CDH18: variants seen among roughly 807,000 people sequenced by gnomAD.
The protein encoded by CDH18 is cadherin 18.
In CDH18, 31 loss-of-function variants were observed where a neutral mutation model predicts 67.9. The ratio of observed to expected loss-of-function variants is 0.46; its 90% CI spans 0.34 to 0.62. CDH18 has a LOEUF of 0.62. Among genes scored for constraint, CDH18 ranks in the 20% least tolerant of loss-of-function variants. The probability of loss-of-function intolerance (pLI) is 0.01; values close to 1 mark genes in which losing one functional copy is unlikely to be tolerated. For synonymous variants in CDH18, 362 were observed against 347.2 expected (o/e 1.04, Z -0.48); for missense variants, 890 against 975.5 (o/e 0.91, Z 1.17).
intron 11 of CDH18, among the ~76,000 whole-genome samples, chr5:19,490,394 GTTTTTTTTT>G (rs70950073): frequency 2.8e-4 from 17 of 60,210 alleles, no homozygotes; most frequent in East Asian, 5.3e-4. Context: ...ATAAAAATCT[GTTTTTTTTT>G]TTTTTTTTTT....
At chr5:20,290,707 G>A (rs1159032164) in intron 1 of CDH18, among the ~76,000 whole-genome samples, 1 of 152,158 alleles carries the variant, frequency 6.6e-6, no homozygotes. Flanking sequence ...TATGTTCAAA[G>A]CCATGACAGC....
chr5:20,537,797 T>A lies in CDH18; in HGVS notation c.-580+37665A>T, dbSNP rs1287244740. On this transcript the variant is annotated intron_variant, in intron 1 of 14. Coordinates refer to the CDH18 transcript ENST00000507958. ...AAGAATAAAAATGAAAATATTTGTA[T>A]AAAATTTCTATCTTTGGGAAATGTA... Among the ~76,000 whole-genome samples, 3 of 152,134 alleles carry A rather than the reference T, an allele frequency of 2.0e-5. No homozygotes were observed. The East Asian group carries it at 5.8e-4, about 29-fold the overall frequency.
rs74996600 is a variant in CDH18, at chr5:20,081,421, A to G, written c.-517-89407T>C. Among the ~76,000 whole-genome samples, 557 of 152,292 alleles carry G rather than the reference A, an allele frequency of 3.7e-3. 2 individuals carry two copies. Among genetic ancestry groups the G allele is most frequent in the African/African-American group, 0.013 (520 of 41,566 alleles). ...AGGTTTGGTTTAAAATGATTTTGCC[A>G]TTCAACCCAGCAATCCCTTTACTGA... On this transcript the variant is annotated intron_variant, in intron 2 of 14. Transcript: ENST00000507958.
At chr5:20,150,779 C>T (rs1751035528) in intron 2 of CDH18, among the ~76,000 whole-genome samples, 2 of 152,112 alleles carry the variant, frequency 1.3e-5, no homozygotes, top group Admixed American at 6.6e-5. Context: ...TTATAAGCCT[C>T]ATAATCAAAA....
chr5:19,947,848 G>T (rs1169278782), intron 2 of CDH18, among the ~76,000 whole-genome samples: 2 of 152,038 alleles, frequency 1.3e-5, no homozygotes, highest in Non-Finnish European at 1.5e-5. Flanking sequence ...GAAAATTACA[G>T]ACAGTGAGAA....
At chr5:20,477,261 T>C (rs1014711290) in intron 1 of CDH18, among the ~76,000 whole-genome samples, 1 of 151,942 alleles carries the variant, frequency 6.6e-6, no homozygotes, top group Non-Finnish European at 1.5e-5. Flanking sequence ...GAAGCTGCAG[T>C]GGTCATCCTG....
intron 7 of CDH18, among the ~76,000 whole-genome samples, chr5:19,578,957 T>G (rs992813516): frequency 1.6e-4 from 25 of 152,048 alleles, no homozygotes; most frequent in Non-Finnish European, 3.7e-4. Context: ...ATTTTAACTT[T>G]GAGTCCTTTA....
chr5:19,663,375 T>C, intron 5 of CDH18, among the ~76,000 whole-genome samples: 1 of 152,008 alleles, frequency 6.6e-6, no homozygotes, highest in Non-Finnish European at 1.5e-5. Context: ...TCCTTCTGTT[T>C]TCAAGTTTTG....
intron 4 of CDH18, among the ~76,000 whole-genome samples, chr5:19,732,420 C>T (rs1333259660): frequency 2.0e-5 from 3 of 152,114 alleles, no homozygotes; most frequent in African/African-American, 7.2e-5. Flanking sequence ...CCACTGCACT[C>T]CAGTCCACAT....
chr5:19,563,117 AC>A (rs1015421821), intron 8 of CDH18, among the ~76,000 whole-genome samples: 9 of 152,204 alleles, frequency 5.9e-5, no homozygotes, highest in African/African-American at 2.2e-4. Context: ...TTTATAATAT[AC>A]ATTTGTTTCT....
At chr5:19,507,714 A>G (rs1744432738) in intron 10 of CDH18, among the ~76,000 whole-genome samples, 1 of 152,136 alleles carries the variant, frequency 6.6e-6, no homozygotes, top group Non-Finnish European at 1.5e-5. Context: ...ATGAGAACAC[A>G]TGGACACAGG....
intron 2 of CDH18, among the ~76,000 whole-genome samples, chr5:20,026,442 T>C (rs1262128132): frequency 6.6e-6 from 1 of 152,218 alleles, no homozygotes; most frequent in Non-Finnish European, 1.5e-5. Flanking sequence ...AGCACATATG[T>C]TTTGAACATG....
intron 3 of CDH18, among the ~76,000 whole-genome samples, chr5:19,761,261 G>A (rs1772305898): frequency 3.3e-5 from 5 of 152,138 alleles, no homozygotes; most frequent in Admixed American, 3.3e-4. Context: ...TGCTTCTGAA[G>A]CCAGGAGATA....
At chr5:20,270,882 G>T (rs2126663945) in intron 1 of CDH18, among the ~76,000 whole-genome samples, 1 of 152,094 alleles carries the variant, frequency 6.6e-6, no homozygotes, top group South Asian at 2.1e-4. Context: ...CTAATGCAGG[G>T]ATACAAAACC....
intron 1 of CDH18, among the ~76,000 whole-genome samples, chr5:20,524,651 G>A (rs1338518413): frequency 3.3e-5 from 5 of 152,136 alleles, no homozygotes; most frequent in South Asian, 2.1e-4. Context: ...AAACAAAAGC[G>A]GATCAAAACA....
chr5:20,446,922 A>G (rs1006265623), intron 1 of CDH18, among the ~76,000 whole-genome samples: 4 of 152,162 alleles, frequency 2.6e-5, no homozygotes, highest in African/African-American at 4.8e-5. Context: ...TTTATATACC[A>G]CCTTTAGAAA....
chr5:19,704,123 C>T (rs1229866319), intron 5 of CDH18, among the ~76,000 whole-genome samples: 3 of 152,114 alleles, frequency 2.0e-5, no homozygotes, highest in African/African-American at 7.2e-5. Context: ...CACAAATAAA[C>T]AAGGCAAAGC....
intron 3 of CDH18, among the ~76,000 whole-genome samples, chr5:19,752,879 T>A (rs1230775610): frequency 6.6e-6 from 1 of 152,130 alleles, no homozygotes; most frequent in African/African-American, 2.4e-5. Context: ...ACACCCAGTA[T>A]TAGCCCAGAG....
At chr5:19,834,971 C>T (rs1390256970) in intron 3 of CDH18, among the ~76,000 whole-genome samples, 1 of 152,108 alleles carries the variant, frequency 6.6e-6, no homozygotes, top group Non-Finnish European at 1.5e-5. Flanking sequence ...GGGAATTCCT[C>T]AAGGATCTAG....
Sources: gnomAD v4.1 joint callset for allele counts (sites outside exome capture counted in the v4.1 genomes callset) on GRCh38, gnomAD v4.1.1 for gene constraint, MANE v1.5 for transcripts, NCBI Gene and HGNC (gene_info 2026-07-23, HGNC 2026-07-21) for gene names.